The following DUXA variants were observed in gnomAD, a reference collection of about 807,000 sequenced individuals.
The protein encoded by DUXA is double homeobox A.
A neutral mutation model predicts 27.5 loss-of-function variants in DUXA; 25 were observed. The ratio of observed to expected loss-of-function variants is 0.91; its 90% CI spans 0.66 to 1.27. The LOEUF is 1.27. Ranked by LOEUF, DUXA falls within the 50% of genes most tolerant of loss-of-function variation. DUXA has a pLI of 0.00. For missense variants in DUXA, 247 were observed against 242.9 expected, an observed-to-expected ratio of 1.02 and a Z score of -0.11; for synonymous variants, 90 against 80.5, an observed-to-expected ratio of 1.12 and a Z score of -0.63.
In DUXA at chr19:57,154,712, C is replaced by T. The variant is rs111384433; in HGVS notation, c.545-230G>A. On this transcript the variant is annotated intron_variant, in intron 5 of 5. Transcript: ENST00000554048. Reference sequence around the variant, plus strand: ...CCGAGTAGCTGGGACTACAGGCGCCCGCCACCACGCTCGGCTAATTGTTTG... The same window carrying T: ...CCGAGTAGCTGGGACTACAGGCGCCTGCCACCACGCTCGGCTAATTGTTTG... Among the ~76,000 whole-genome samples, 176 of 152,136 alleles carry T rather than the reference C, an allele frequency of 1.2e-3. 1 individual carries two copies. Among genetic ancestry groups the T allele is most frequent in the Admixed American group, 5.4e-3 (82 of 15,282 alleles).
At chr19:57,159,475 G>A (rs61610672) in intron 2 of DUXA, among the ~76,000 whole-genome samples, 197 bp from the exon 3 acceptor site, 8 of 151,880 alleles carry the variant, frequency 5.3e-5, no homozygotes, top group Non-Finnish European at 8.8e-5. Flanking sequence ...GTGCAGTGGC[G>A]TGATCTCGGC....
chr19:57,157,083 C>T (rs559318950), intron 4 of DUXA, among the ~76,000 whole-genome samples: 117 of 152,106 alleles, frequency 7.7e-4, no homozygotes, highest in African/African-American at 2.1e-3. Flanking sequence ...GTAGATGCTC[C>T]GAATAATGCA....
Position 57,154,391 on chromosome 19 carries a change from G to T in DUXA, c.*21C>A, listed in dbSNP as rs752677401. On this transcript the variant is annotated 3_prime_UTR_variant, in exon 6 of 6. Coordinates refer to ENST00000554048, the MANE Select transcript of DUXA (RefSeq NM_001012729.2). ...TTTGGGGTCCAGTTGATATTATCAA[G>T]TACACTGAATTTGACTGTGTTCACC... The T allele has an allele frequency of 2.5e-6, 4 of 1,608,648 alleles. No homozygotes were observed. In the African/African-American group the frequency reaches 5.3e-5, roughly 22 times the overall value.
intron 1 of DUXA, among the ~76,000 whole-genome samples, chr19:57,164,529 T>C (rs1428551280): frequency 1.3e-5 from 2 of 152,052 alleles, no homozygotes; most frequent in East Asian, 1.9e-4. Context: ...GAGCCGAGAT[T>C]GCACCATTGC....
At chr19:57,166,720 G>T (rs981446248) in intron 1 of DUXA, among the ~76,000 whole-genome samples, 3 of 152,196 alleles carry the variant, frequency 2.0e-5, no homozygotes, top group Admixed American at 2.0e-4. Flanking sequence ...CATGCAATGG[G>T]CCAATAATCT....
intron 4 of DUXA, among the ~76,000 whole-genome samples, chr19:57,158,039 T>C (rs2087000987): frequency 6.6e-6 from 1 of 151,194 alleles, no homozygotes; most frequent in South Asian, 2.1e-4. Context: ...TTATATGCAA[T>C]GTTAACTAAT....
At chr19:57,159,571 C>T (rs2087009941) in intron 2 of DUXA, among the ~76,000 whole-genome samples, 1 of 151,960 alleles carries the variant, frequency 6.6e-6, no homozygotes, top group Non-Finnish European at 1.5e-5. Context: ...TGCCATCATG[C>T]CTGGCTAATT....
chr19:57,156,691 T>C (rs1265375750), intron 4 of DUXA, among the ~76,000 whole-genome samples: 1 of 151,898 alleles, frequency 6.6e-6, no homozygotes, highest in Non-Finnish European at 1.5e-5. Flanking sequence ...TGAGACAGAG[T>C]TTCGCCCTTG....
chr19:57,166,186 TA>T (rs1347448252), intron 1 of DUXA, among the ~76,000 whole-genome samples: 1 of 151,914 alleles, frequency 6.6e-6, no homozygotes, highest in Non-Finnish European at 1.5e-5. Context: ...AAAAAAAGAA[TA>T]AAAGGGAAGC....
At chr19:57,155,394 CTTAAT>C in intron 4 of DUXA, 22 bp from the exon 5 acceptor site, 1 of 1,559,170 alleles carries the variant, frequency 6.4e-7, no homozygotes, top group Non-Finnish European at 8.8e-7. Context: ...GACAAAGAAA[CTTAAT>C]TTAAACAAAG....
At chr19:57,157,145 C>T (rs950690168) in intron 4 of DUXA, among the ~76,000 whole-genome samples, 8 of 152,104 alleles carry the variant, frequency 5.3e-5, no homozygotes, top group Admixed American at 1.3e-4. Flanking sequence ...GAAAGTAAAA[C>T]GAAAGAACCA....
At chr19:57,155,413 G>T in intron 4 of DUXA, 41 bp from the exon 5 acceptor site, 1 of 1,481,770 alleles carries the variant, frequency 6.7e-7, no homozygotes, top group Non-Finnish European at 9.4e-7. Context: ...AACAAAGAAT[G>T]TTGTGTAAAA....
In DUXA at chr19:57,155,307, T is replaced by C; in HGVS notation, c.504A>G (p.Leu168=). 1 of 1,614,210 alleles carries C rather than the reference T, an allele frequency of 6.2e-7. No individual in the cohort carries two copies. The highest frequency in any genetic ancestry group is 2.2e-5 in the East Asian group (1 of 44,882). Reference sequence around the variant, plus strand: ...GAATCTTGCCCTGCTCTTCTTGTTCTAAGGACGCCACAGGTTCCCTTTTTC... The same window carrying C: ...GAATCTTGCCCTGCTCTTCTTGTTCCAAGGACGCCACAGGTTCCCTTTTTC... The part of the protein sequence containing the change: ...LQRKREPVAS[L]EQEEQGKIPE... Residue 168 remains leucine, a synonymous_variant, in exon 5 of 6, where the codon TTA becomes TTG. Transcript: ENST00000554048.
intron 4 of DUXA, among the ~76,000 whole-genome samples, chr19:57,156,894 G>A (rs992128968): frequency 1.1e-4 from 17 of 152,084 alleles, no homozygotes; most frequent in African/African-American, 3.4e-4. Flanking sequence ...TCGAACTCCC[G>A]ACCTCAGGTG....
intron 1 of DUXA, among the ~76,000 whole-genome samples, chr19:57,165,658 A>G (rs2087049987): frequency 1.3e-5 from 2 of 151,866 alleles, no homozygotes; most frequent in Non-Finnish European, 2.9e-5. Context: ...GCAAAAAATT[A>G]GCCAGGCGTG....
At chr19:57,164,908 A>C (rs1456873089) in intron 1 of DUXA, among the ~76,000 whole-genome samples, 1 of 152,180 alleles carries the variant, frequency 6.6e-6, no homozygotes, top group Non-Finnish European at 1.5e-5. Flanking sequence ...TCTTGCACTG[A>C]AAGTATGAGG....
chr19:57,158,314 T>G lies in DUXA; in HGVS notation c.438+14A>C, dbSNP rs551144061. Reference sequence around the variant, plus strand: ...ATCCCTAGGAGATGGGACAACCACCTTCTTATCACTCACTTGGACTCTTGA... The same window carrying G: ...ATCCCTAGGAGATGGGACAACCACCGTCTTATCACTCACTTGGACTCTTGA... On this transcript the variant is annotated intron_variant, in intron 4 of 5. Coordinates refer to ENST00000554048, the MANE Select transcript of DUXA (RefSeq NM_001012729.2). 1 of 1,611,558 alleles carries G rather than the reference T, an allele frequency of 6.2e-7. No homozygotes were observed. Among genetic ancestry groups the G allele is most frequent in the African/African-American group, 1.3e-5 (1 of 74,960 alleles).
At chr19:57,165,973 G>A (rs757679522) in intron 1 of DUXA, among the ~76,000 whole-genome samples, 6 of 152,114 alleles carry the variant, frequency 3.9e-5, no homozygotes, top group East Asian at 3.9e-4. Flanking sequence ...CAAGAGTAGA[G>A]AGTGCAGGGG....
At chr19:57,164,896 G>A (rs780654629) in intron 1 of DUXA, among the ~76,000 whole-genome samples, 34 of 152,032 alleles carry the variant, frequency 2.2e-4, no homozygotes, top group Non-Finnish European at 4.1e-4. Flanking sequence ...ACCACTTTTT[G>A]TTCTTGCACT....
Sources: allele counts gnomAD v4.1 joint callset (sites outside exome capture counted in the v4.1 genomes callset), GRCh38; gene constraint gnomAD v4.1.1; transcripts MANE v1.5; gene names NCBI Gene and HGNC (gene_info 2026-07-23, HGNC 2026-07-21).